Variants in PSMD14 observed in about 807,000 individuals in gnomAD.
PSMD14 encodes proteasome 26S subunit, non-ATPase 14, also known as ubiquitin C-terminal hydrolase PSMD14.
Under a neutral mutation model 41.2 loss-of-function variants are expected in PSMD14, and 7 were observed. The observed-to-expected ratio is 0.17, with a 90% CI of 0.10 to 0.32. PSMD14 has a LOEUF of 0.32. PSMD14 is among the 10% of genes least tolerant of loss of function. PSMD14 has a pLI of 1.00. For synonymous variants in PSMD14, 114 were observed against 122.3 expected (o/e 0.93, Z 0.45); for missense variants, 139 against 375.6 (o/e 0.37, Z 5.21).
intron 3 of PSMD14, among the ~76,000 whole-genome samples, chr2:161,341,752 T>G (rs1011141093): frequency 1.3e-5 from 2 of 149,312 alleles, no homozygotes; most frequent in Non-Finnish European, 3.0e-5. Context: ...GGCAGGAGAA[T>G]CGCTTGAACC....
In PSMD14 at chr2:161,411,292, G is replaced by T; in HGVS notation, c.835-10G>T. On this transcript the variant is annotated splice_polypyrimidine_tract_variant and intron_variant, in intron 11 of 11. Coordinates refer to ENST00000409682, the MANE Select transcript of PSMD14 (RefSeq NM_005805.6). ...TTCTGTTTTCTCTTTCCTCATTTTT[G>T]TTCTTTTAGGACCCCAAACGTCATT... 6.4e-7 allele frequency: 1 copy of T among 1,569,530 alleles called. No individual in the cohort carries two copies. The highest frequency in any genetic ancestry group is 8.7e-7 in the Non-Finnish European group (1 of 1,154,760).
chr2:161,407,378 C>T (rs1246790570), intron 10 of PSMD14: 2 of 152,012 alleles, frequency 1.3e-5, no homozygotes, highest in Admixed American at 1.3e-4. Context: ...TTTCTTCTTT[C>T]GGGCTTATGA....
chr2:161,409,884 C>T (rs1012762340), intron 11 of PSMD14, among the ~76,000 whole-genome samples: 1 of 151,866 alleles, frequency 6.6e-6, no homozygotes, highest in Non-Finnish European at 1.5e-5. Flanking sequence ...TGTGATATCA[C>T]CCTTGTTATC....
chr2:161,346,584 C>A (rs1259896520), intron 3 of PSMD14, among the ~76,000 whole-genome samples: 4 of 148,322 alleles, frequency 2.7e-5, no homozygotes, highest in Admixed American at 1.4e-4. Flanking sequence ...GTGCTGGCTA[C>A]TTTTTATTCT....
intron 3 of PSMD14, among the ~76,000 whole-genome samples, chr2:161,352,035 T>G (rs1683125724): frequency 6.6e-6 from 1 of 152,218 alleles, no homozygotes; most frequent in South Asian, 2.1e-4. Context: ...TGTATCTCAC[T>G]AAATTGAAAT....
intron 11 of PSMD14, among the ~76,000 whole-genome samples, 186 bp from the exon 12 acceptor site, chr2:161,411,115 TA>T (rs1658690952): frequency 6.6e-6 from 1 of 152,154 alleles, no homozygotes; most frequent in South Asian, 2.1e-4. Flanking sequence ...ATTATTTTAT[TA>T]GCTACTTAAC....
At chr2:161,408,699 A>G in intron 10 of PSMD14, 138 bp from the exon 11 acceptor site, 1 of 623,498 alleles carries the variant, frequency 1.6e-6, no homozygotes, top group African/African-American at 1.9e-5. Context: ...GTTTAGCATA[A>G]TTTTATTTGT....
chr2:161,318,764 G>T, intron 2 of PSMD14, 58 bp from the exon 3 acceptor site: 1 of 1,325,194 alleles, frequency 7.5e-7, no homozygotes. Flanking sequence ...TATATAGATA[G>T]CAATTGAATA....
At chr2:161,349,649 C>G (rs891867584) in intron 3 of PSMD14, among the ~76,000 whole-genome samples, 1 of 152,134 alleles carries the variant, frequency 6.6e-6, no homozygotes. Flanking sequence ...ATGCCAAACC[C>G]TTACAGAGTG....
At chr2:161,396,609 T>C (rs181077688) in intron 10 of PSMD14, among the ~76,000 whole-genome samples, 20 of 152,136 alleles carry the variant, frequency 1.3e-4, no homozygotes, top group African/African-American at 2.9e-4. Flanking sequence ...AGTAGAATTG[T>C]GGTTACCAGG....
intron 9 of PSMD14, among the ~76,000 whole-genome samples, chr2:161,392,509 G>C (rs531767414): frequency 2.6e-5 from 4 of 152,202 alleles, no homozygotes; most frequent in South Asian, 4.1e-4. Flanking sequence ...TATATGCTGG[G>C]GGGGAGGATG....
At chr2:161,357,207 A>T (rs991886386) in intron 3 of PSMD14, among the ~76,000 whole-genome samples, 5 of 151,572 alleles carry the variant, frequency 3.3e-5, no homozygotes, top group African/African-American at 1.2e-4. Flanking sequence ...ATTTAACCAC[A>T]TTTAAAATTT....
Position 161,385,459 on chromosome 2 carries a change from T to A in PSMD14, c.463-5T>A. The A allele has an allele frequency of 6.3e-7, 1 of 1,580,994 alleles. No homozygotes were observed. Among genetic ancestry groups the A allele is most frequent in the Non-Finnish European group, 8.6e-7 (1 of 1,158,480 alleles). Reference sequence around the variant, plus strand: ...AAAAATTGACTTGACACCTTGTTTTTACAGGTTGTTATTGATGCCTTCAGA... The same window carrying A: ...AAAAATTGACTTGACACCTTGTTTTAACAGGTTGTTATTGATGCCTTCAGA... On this transcript the variant is annotated splice_polypyrimidine_tract_variant and splice_region_variant and intron_variant, in intron 7 of 11. Coordinates refer to ENST00000409682, the MANE Select transcript of PSMD14 (RefSeq NM_005805.6).
At chr2:161,403,949 C>T (rs1275471972) in intron 10 of PSMD14, among the ~76,000 whole-genome samples, 1 of 151,714 alleles carries the variant, frequency 6.6e-6, no homozygotes, top group African/African-American at 2.4e-5. Flanking sequence ...GCTCTGTTGC[C>T]TAGGCGGGCT....
chr2:161,356,990 A>G (rs1396365940), intron 3 of PSMD14, among the ~76,000 whole-genome samples: 1 of 151,622 alleles, frequency 6.6e-6, no homozygotes, highest in Non-Finnish European at 1.5e-5. Context: ...GAGTAATATA[A>G]CTAATAGTGT....
intron 10 of PSMD14, among the ~76,000 whole-genome samples, chr2:161,398,648 CT>C (rs35590291): frequency 2.6e-5 from 4 of 151,622 alleles, no homozygotes; most frequent in South Asian, 2.1e-4. Flanking sequence ...AAAAATTTGC[CT>C]TTTTTTTCCC....
chr2:161,323,614 G>C (rs1267875013), intron 3 of PSMD14, among the ~76,000 whole-genome samples: 4 of 151,952 alleles, frequency 2.6e-5, no homozygotes, highest in African/African-American at 9.7e-5. Context: ...AGTGAGCCAA[G>C]GTAGTACCAC....
At chr2:161,384,361 C>T in intron 7 of PSMD14, 1 of 151,588 alleles carries the variant, frequency 6.6e-6, no homozygotes, top group Non-Finnish European at 1.5e-5. Flanking sequence ...TAGCATACAG[C>T]ATACAGTAAT....
chr2:161,389,035 A>T (rs914184056), intron 8 of PSMD14, among the ~76,000 whole-genome samples: 4 of 152,134 alleles, frequency 2.6e-5, no homozygotes, highest in African/African-American at 7.2e-5. Context: ...TTATTGTTAT[A>T]CCTGCTGATC....
Sources: gnomAD v4.1 joint callset for allele counts (sites outside exome capture counted in the v4.1 genomes callset) on GRCh38, gnomAD v4.1.1 for gene constraint, MANE v1.5 for transcripts, NCBI Gene and HGNC (gene_info 2026-07-23, HGNC 2026-07-21) for gene names.